The following DYM variants were observed in gnomAD, a reference collection of about 807,000 sequenced individuals.
DYM encodes the protein dyggve-Melchior-Clausen syndrome protein.
In DYM, 78 loss-of-function variants were observed where a neutral mutation model predicts 93.1. That is an observed-to-expected ratio of 0.84 (90% CI 0.70 to 1.01). DYM has a LOEUF of 1.01. Among genes scored for constraint, DYM ranks in the 50% least tolerant of loss-of-function variants. DYM has a pLI of 0.00. For synonymous variants in DYM, 321 were observed against 319.7 expected, an observed-to-expected ratio of 1.00 and a Z score of -0.04; for missense variants, 789 against 845.0, an observed-to-expected ratio of 0.93 and a Z score of 0.82.
At position 49,316,287 on chromosome 18, in the gene DYM, C is replaced by A. The variant is rs541133411; in HGVS notation, c.763+15577G>T. On this transcript the variant is annotated intron_variant, in intron 8 of 17. Transcript: ENST00000675505. Reference sequence around the variant, plus strand: ...ACAGAGTGAGACGCAGTCACACACACACAAAAAAAAATCATGAATACTTTT... The same window carrying A: ...ACAGAGTGAGACGCAGTCACACACAAACAAAAAAAAATCATGAATACTTTT... 4.6e-5 allele frequency among the ~76,000 whole-genome samples: 7 copies of A among 151,606 alleles called. No individual in the cohort carries two copies. In the East Asian group the frequency reaches 1.4e-3, roughly 29 times the overall value.
chr18:49,412,808 G>A (rs1042033873), intron 2 of DYM, among the ~76,000 whole-genome samples: 1 of 152,202 alleles, frequency 6.6e-6, no homozygotes, highest in Non-Finnish European at 1.5e-5. Context: ...GCTTCTGTCA[G>A]TTAAAAACGT....
chr18:49,453,604 G>C (rs962190537), intron 1 of DYM, among the ~76,000 whole-genome samples: 34 of 152,196 alleles, frequency 2.2e-4, no homozygotes, highest in Admixed American at 2.1e-3. Flanking sequence ...CTTCATTCTT[G>C]AAGTCAATGA....
intron 6 of DYM, among the ~76,000 whole-genome samples, chr18:49,348,952 A>C (rs1304608188): frequency 3.3e-5 from 5 of 151,408 alleles, no homozygotes; most frequent in African/African-American, 1.2e-4. Context: ...TCACGCCTAT[A>C]ATCTCAGCAC....
rs1351766173 is a variant in DYM at position 49,042,751 on chromosome 18, G to C, written c.*1304C>G. ...TCTAGACTGTGAAGGGGCCCGTGAGGACACAGAGTGTGACTGGAAAGGAAG... is the reference window on the plus strand; with the variant it reads ...TCTAGACTGTGAAGGGGCCCGTGAGCACACAGAGTGTGACTGGAAAGGAAG... On this transcript the variant is annotated 3_prime_UTR_variant, in exon 18 of 18. Coordinates refer to ENST00000675505, the MANE Select transcript of DYM (RefSeq NM_001353214.3). 1.1e-4 allele frequency: 17 copies of C among 152,240 alleles called. No individual in the cohort carries two copies. The highest frequency in any genetic ancestry group is 1.1e-3 in the Admixed American group (17 of 15,286). 9.4% of individuals were successfully genotyped at this position (152,240 alleles called of 1,614,324 possible). A position where few individuals can be genotyped will look rare whatever the true frequency, so the allele number is the denominator to read the frequency against.
intron 8 of DYM, among the ~76,000 whole-genome samples, chr18:49,321,775 T>C (rs184620407): frequency 1.6e-4 from 25 of 152,284 alleles, no homozygotes; most frequent in Non-Finnish European, 3.4e-4. Flanking sequence ...AAAGTCATTC[T>C]TTCTGTGAGC....
At chr18:49,262,574 A>G (rs1212504159) in intron 11 of DYM, among the ~76,000 whole-genome samples, 2 of 152,198 alleles carry the variant, frequency 1.3e-5, no homozygotes, top group Admixed American at 6.5e-5. Flanking sequence ...GATACATATA[A>G]GAAGAATATT....
intron 1 of DYM, among the ~76,000 whole-genome samples, chr18:49,437,299 C>G (rs1432109857): frequency 6.6e-6 from 1 of 152,178 alleles, no homozygotes; most frequent in East Asian, 1.9e-4. Context: ...CCTCTCTACT[C>G]TGCTATTCCC....
At chr18:49,320,571 T>C (rs897812271) in intron 8 of DYM, among the ~76,000 whole-genome samples, 7 of 152,076 alleles carry the variant, frequency 4.6e-5, no homozygotes, top group African/African-American at 1.7e-4. Context: ...ATCTCCCGGG[T>C]TCAAGTAATC....
chr18:49,287,828 C>CAA (rs55895967), intron 8 of DYM, among the ~76,000 whole-genome samples: 71 of 74,918 alleles, frequency 9.5e-4, no homozygotes, highest in African/African-American at 2.6e-3. Flanking sequence ...AACTCCGTCT[C>CAA]AAAAAAAAAA....
chr18:49,364,247 C>T (rs946997272), intron 5 of DYM, among the ~76,000 whole-genome samples: 3 of 152,136 alleles, frequency 2.0e-5, no homozygotes, highest in Non-Finnish European at 4.4e-5. Flanking sequence ...GAGTTCGAGA[C>T]CAGCCTGGCC....
intron 3 of DYM, among the ~76,000 whole-genome samples, chr18:49,390,341 G>T (rs970060495): frequency 6.6e-6 from 1 of 151,896 alleles, no homozygotes; most frequent in South Asian, 2.1e-4. Flanking sequence ...GAGGTGGAAG[G>T]ATCACTGAAG....
chr18:49,336,903 G>A (rs1401739441), intron 6 of DYM, among the ~76,000 whole-genome samples: 2 of 152,164 alleles, frequency 1.3e-5, no homozygotes, highest in Non-Finnish European at 1.5e-5. Flanking sequence ...TTAAAACCTG[G>A]AGTATGAGTG....
intron 14 of DYM, among the ~76,000 whole-genome samples, chr18:49,202,117 C>A (rs572950573): frequency 6.6e-6 from 1 of 152,192 alleles, no homozygotes; most frequent in Non-Finnish European, 1.5e-5. Context: ...CAGCTCACCA[C>A]GCACGTTGGG....
At chr18:49,458,943 G>A (rs2083241793) in intron 1 of DYM, among the ~76,000 whole-genome samples, 1 of 152,226 alleles carries the variant, frequency 6.6e-6, no homozygotes, top group South Asian at 2.1e-4. Flanking sequence ...ATAATTGTGA[G>A]TGGGGATAGG....
chr18:49,132,789 T>C (rs1196021716), intron 15 of DYM, among the ~76,000 whole-genome samples: 1 of 152,182 alleles, frequency 6.6e-6, no homozygotes, highest in Non-Finnish European at 1.5e-5. Context: ...AGGAAATCTA[T>C]TGATGTACTC....
intron 15 of DYM, among the ~76,000 whole-genome samples, chr18:49,122,211 G>A (rs1188605599): frequency 6.6e-6 from 1 of 152,170 alleles, no homozygotes; most frequent in Non-Finnish European, 1.5e-5. Context: ...TAGATTCCAG[G>A]AGAGGGATTG....
At chr18:49,430,162 G>T in intron 2 of DYM, 93 bp downstream of exon 2, 1 of 1,181,032 alleles carries the variant, frequency 8.5e-7, no homozygotes. Flanking sequence ...TAGATAGATA[G>T]ACAGAACATT....
intron 6 of DYM, among the ~76,000 whole-genome samples, chr18:49,335,997 A>T (rs139524022): frequency 8.5e-5 from 13 of 152,088 alleles, no homozygotes; most frequent in Non-Finnish European, 1.5e-4. Context: ...TCTTTTTTAC[A>T]AAGAGGGGGT....
At chr18:49,326,992 C>CGTGTGTGT (rs10584298) in intron 8 of DYM, among the ~76,000 whole-genome samples, 21 of 93,374 alleles carry the variant, frequency 2.2e-4, no homozygotes, top group African/African-American at 6.3e-4. Context: ...TTTAAAAAAC[C>CGTGTGTGT]GTGTGTGTGT....
Sources: gnomAD v4.1 joint callset for allele counts (sites outside exome capture counted in the v4.1 genomes callset) on GRCh38, gnomAD v4.1.1 for gene constraint, MANE v1.5 for transcripts, NCBI Gene and HGNC (gene_info 2026-07-23, HGNC 2026-07-21) for gene names.